Variants in NDUFV3 observed in about 807,000 individuals in gnomAD.
The protein encoded by NDUFV3 is NADH dehydrogenase [ubiquinone] flavoprotein 3, mitochondrial.
NDUFV3 carries 44 observed loss-of-function variants against 37.5 expected under a neutral mutation model. That is an observed-to-expected ratio of 1.17 (90% CI 0.92 to 1.51). The LOEUF (loss-of-function observed/expected upper bound fraction) is 1.51. Ranked by LOEUF, NDUFV3 falls within the 40% of genes most tolerant of loss-of-function variation. The pLI is 0.00. For missense variants in NDUFV3, 580 were observed against 580.4 expected (o/e 1.00, Z 0.01); for synonymous variants, 235 against 239.3 (o/e 0.98, Z 0.17).
rs2058776613 is a variant in NDUFV3, at chr21:42,912,903, A to AAG, written c.*3882_*3883insAG. On this transcript the variant is annotated 3_prime_UTR_variant, in exon 4 of 4. Transcript: ENST00000354250. Reference sequence around the variant, plus strand: ...CAAGACTCCGTCTCAAAAAAAAAAAACAAAAAAAAAATTAGCCGGGCGTGG... The same window carrying AAG: ...CAAGACTCCGTCTCAAAAAAAAAAAAAGCAAAAAAAAAATTAGCCGGGCGTGG... 7.4e-6 allele frequency: 1 copy of AAG among 134,320 alleles called. No homozygotes were observed. The allele number at this position is 134,320 out of a possible 1,614,324, so 8.3% of individuals were successfully genotyped here. A position where few individuals can be genotyped will look rare whatever the true frequency, so the allele number is the denominator to read the frequency against.
In NDUFV3 at chr21:42,913,230, A is replaced by T. The variant is rs953347251; in HGVS notation, c.*4209A>T. 3 of 152,186 alleles carry T rather than the reference A, an allele frequency of 2.0e-5. No homozygotes were observed. Among genetic ancestry groups the T allele is most frequent in the Non-Finnish European group, 4.4e-5 (3 of 68,044 alleles). The allele number at this position is 152,186 out of a possible 1,614,324, so 9.4% of individuals were successfully genotyped here. On this transcript the variant is annotated 3_prime_UTR_variant, in exon 4 of 4. Coordinates refer to ENST00000354250, the MANE Select transcript of NDUFV3 (RefSeq NM_021075.4). ...GGATATAAAAAATTCACAACTGCTA[A>T]AACAGTGTTCCTTCTAGTGTAATTT...
intron 1 of NDUFV3, among the ~76,000 whole-genome samples, chr21:42,896,713 A>G (rs1436942626): frequency 1.3e-5 from 2 of 152,042 alleles, no homozygotes; most frequent in South Asian, 2.1e-4. Flanking sequence ...TTAGCCAGGC[A>G]TGGTAGTATG....
Position 42,904,097 on chromosome 21 carries a change from G to A in NDUFV3, c.1085G>A (p.Gly362Asp). Residue 362 changes from glycine to aspartate, a missense_variant, in exon 3 of 4, where the codon GGC (glycine) becomes GAC (aspartate). Physicochemically the swap from Gly to Asp is moderately conservative, Grantham distance 94 (BLOSUM62 -1). Coordinates refer to ENST00000354250, the MANE Select transcript of NDUFV3 (RefSeq NM_021075.4). ...ACCTCAGGGACGCAGGGAATAGAAG[G>A]CCACCTGAAGGGTGGACAGGCAATC... Reference protein sequence around the residue: ...KETSGTQGIEGHLKGGQAIVE... With the variant: ...KETSGTQGIEDHLKGGQAIVE... The A allele has an allele frequency of 6.2e-7, 1 of 1,614,212 alleles. No homozygotes were observed. Among genetic ancestry groups the A allele is most frequent in the Non-Finnish European group, 8.5e-7 (1 of 1,180,034 alleles).
chr21:42,894,409 A>ATATGTAAATATATATTATATATT (rs2058676813), intron 1 of NDUFV3, among the ~76,000 whole-genome samples: 1 of 44,512 alleles, frequency 2.2e-5, no homozygotes, highest in Admixed American at 2.6e-4. Context: ...TATTTATATA[A>ATATGTAAATATATATTATATATT]TATATAATAT....
chr21:42,899,472 G>A (rs1245434250), intron 2 of NDUFV3, among the ~76,000 whole-genome samples: 1 of 151,086 alleles, frequency 6.6e-6, no homozygotes, highest in African/African-American at 2.4e-5. Flanking sequence ...TTGCGATAAA[G>A]TCTCACTCTG....
At position 42,904,187 on chromosome 21, in the gene NDUFV3, A is replaced by G. The variant is rs759463828; in HGVS notation, c.1175A>G (p.His392Arg). The G allele has an allele frequency of 6.2e-7, 1 of 1,614,226 alleles. No individual in the cohort carries two copies. Among genetic ancestry groups the G allele is most frequent in the Non-Finnish European group, 8.5e-7 (1 of 1,180,024 alleles). Reference sequence around the variant, plus strand: ...CCTGTTGAGAATAACCACGGTTTCCATGAAAAGACAGCAGCGCTGAAGCTT... The same window carrying G: ...CCTGTTGAGAATAACCACGGTTTCCGTGAAAAGACAGCAGCGCTGAAGCTT... ...TVPVENNHGF[H>R]EKTAALKLEA... The change falls in exon 3 of 4, where the codon CAT (histidine) becomes CGT (arginine). Residue 392 changes from histidine (H) to arginine (R), a missense_variant. Coordinates refer to ENST00000354250, the MANE Select transcript of NDUFV3 (RefSeq NM_021075.4).
intron 1 of NDUFV3, among the ~76,000 whole-genome samples, chr21:42,894,388 TATATATTATA>T (rs2058675658): frequency 2.7e-5 from 1 of 37,360 alleles, no homozygotes; most frequent in South Asian, 5.1e-4. Context: ...AATATGTAAA[TATATATTATA>T]TATTTATATA....
rs1241928971 is a variant in NDUFV3 at position 42,909,020 on chromosome 21, G to A, written c.1421G>A (p.Ter474=). 27 of 1,613,356 alleles carry A rather than the reference G, an allele frequency of 1.7e-5. No homozygotes were observed. Among genetic ancestry groups the A allele is most frequent in the Non-Finnish European group, 2.1e-5 (25 of 1,179,926 alleles). The part of the protein sequence containing the change: ...PSSGRESPRH[*] ...TCAGGCCGGGAGTCACCTCGACACTGAGGGCCCTCGGTGTGAAGATGAACC... is the reference window on the plus strand; with the variant it reads ...TCAGGCCGGGAGTCACCTCGACACTAAGGGCCCTCGGTGTGAAGATGAACC... The change falls in exon 4 of 4, where the codon TGA becomes TAA. Residue 474 remains the stop codon, a stop_retained_variant. Transcript: ENST00000354250.
In NDUFV3 at chr21:42,899,458, G is replaced by GTT. The variant is rs35438595; in HGVS notation, c.169+2415_169+2416dup. On this transcript the variant is annotated intron_variant, in intron 2 of 3. Coordinates refer to ENST00000354250, the MANE Select transcript of NDUFV3 (RefSeq NM_021075.4). ...GGCTAATTTTTTGTTTTTTTGTTTT[G>GTT]TTTTTGCGATAAAGTCTCACTCTGT... Among the ~76,000 whole-genome samples the GTT allele has an allele frequency of 1.3e-4, 19 of 151,112 alleles. 1 individual carries two copies. Among genetic ancestry groups the GTT allele is most frequent in the African/African-American group, 4.1e-4 (17 of 41,058 alleles).
In NDUFV3 at chr21:42,893,400, T is replaced by A. The variant is rs1444333892; in HGVS notation, c.48+19T>A. Reference sequence around the variant, plus strand: ...GCTGAAGGTAAAGGAGGAGCCAGCCTGGGCTGGCTGCGCGGCCCCGAGCCT... The same window carrying A: ...GCTGAAGGTAAAGGAGGAGCCAGCCAGGGCTGGCTGCGCGGCCCCGAGCCT... On this transcript the variant is annotated intron_variant, in intron 1 of 3. Transcript: ENST00000354250. The A allele has an allele frequency of 1.3e-6, 2 of 1,535,440 alleles. No individual in the cohort carries two copies. Among genetic ancestry groups the A allele is most frequent in the Middle Eastern group, 4.4e-4 (2 of 4,556 alleles).
chr21:42,894,427 A>AATATATAATATATAATATATTATAT (rs2058677581), intron 1 of NDUFV3, among the ~76,000 whole-genome samples: 1 of 33,500 alleles, frequency 3.0e-5, no homozygotes, highest in African/African-American at 3.8e-4. Flanking sequence ...TATATTATAT[A>AATATATAATATATAATATATTATAT]AATATATATT....
chr21:42,908,808 C>T, intron 3 of NDUFV3, 56 bp from the exon 4 acceptor site: 3 of 1,605,062 alleles, frequency 1.9e-6, no homozygotes, highest in Non-Finnish European at 2.6e-6. Context: ...TGAGCCGAGT[C>T]ATTCATAAAG....
chr21:42,893,437 G>T lies in NDUFV3; in HGVS notation c.48+56G>T. ...GCGGCCCCGAGCCTACGTAGGGGAT[G>T]GGGTGAGGGGGCGCGGTGCTGGTCA... On this transcript the variant is annotated intron_variant, in intron 1 of 3. Transcript: ENST00000354250. The T allele has an allele frequency of 2.6e-6, 4 of 1,525,296 alleles. No individual in the cohort carries two copies. In the South Asian group the frequency reaches 3.6e-5, roughly 14 times the overall value. The allele number at this position is 1,525,296 out of a possible 1,614,324, so 94.5% of individuals were successfully genotyped here.
At chr21:42,897,591 T>A (rs934446060) in intron 2 of NDUFV3, among the ~76,000 whole-genome samples, 2 of 152,190 alleles carry the variant, frequency 1.3e-5, no homozygotes, top group Non-Finnish European at 2.9e-5. Flanking sequence ...GCCAGGATGG[T>A]CTCAATCTCC....
rs1367146891 is a variant in NDUFV3 at position 42,903,359 on chromosome 21, T to A, written c.347T>A (p.Leu116Ter). Residue 116 changes from leucine (L) to a stop codon, truncating the protein, a stop_gained, in exon 3 of 4, where the codon TTG (leucine) becomes TAG (stop). Transcript: ENST00000354250. LOFTEE classifies it high-confidence loss of function. ...LFTDEGVPKF[L>*]SRKTLVEFPQ... ...ACAGATGAAGGGGTTCCGAAATTTT[T>A]GTCAAGAAAGACTTTGGTAGAGTTT... 8.7e-6 allele frequency: 14 copies of A among 1,614,208 alleles called. No individual in the cohort carries two copies. Among genetic ancestry groups the A allele is most frequent in the Non-Finnish European group, 1.1e-5 (13 of 1,180,030 alleles).
chr21:42,907,552 G>A (rs4920007), intron 3 of NDUFV3, among the ~76,000 whole-genome samples: 91,226 of 151,260 alleles, frequency 0.6, 28,223 homozygotes, highest in African/African-American at 0.71. Flanking sequence ...CTGGGTTCAA[G>A]CAATTCTTGT....
chr21:42,910,253 A>C lies in NDUFV3; in HGVS notation c.*1232A>C, dbSNP rs2058763780. 6.6e-6 allele frequency: 1 copy of C among 152,200 alleles called. No homozygotes were observed. The highest frequency in any genetic ancestry group is 6.5e-5 in the Admixed American group (1 of 15,272). The allele number at this position is 152,200 out of a possible 1,614,324, so 9.4% of individuals were successfully genotyped here. On this transcript the variant is annotated 3_prime_UTR_variant, in exon 4 of 4. Coordinates refer to ENST00000354250, the MANE Select transcript of NDUFV3 (RefSeq NM_021075.4). ...GGCAGGAGAATCATTTGAACCTGGG[A>C]GGCGGAGGTTGCAGTGAGCAAGATC...
Position 42,909,401 on chromosome 21 carries a change from C to T in NDUFV3, c.*380C>T. ...AGATGGTCTGCCCACCTCCGCCTCC[C>T]AAAGTGCTGGGATTACAGGCGTGAG... On this transcript the variant is annotated 3_prime_UTR_variant, in exon 4 of 4. Coordinates refer to ENST00000354250, the MANE Select transcript of NDUFV3 (RefSeq NM_021075.4). The T allele has an allele frequency of 3.2e-6, 1 of 311,290 alleles. No homozygotes were observed. The highest frequency in any genetic ancestry group is 6.3e-6 in the Non-Finnish European group (1 of 158,916). 19.3% of individuals were successfully genotyped at this position (311,290 alleles called of 1,614,324 possible). A position where few individuals can be genotyped will look rare whatever the true frequency, so the allele number is the denominator to read the frequency against.
chr21:42,896,323 A>AT (rs2058691054), intron 1 of NDUFV3, among the ~76,000 whole-genome samples: 1 of 151,566 alleles, frequency 6.6e-6, no homozygotes, highest in African/African-American at 2.4e-5. Context: ...TGCCCGGCTA[A>AT]TTTTTTGTAT....
Sources: gnomAD v4.1 joint callset for allele counts (sites outside exome capture counted in the v4.1 genomes callset) on GRCh38, gnomAD v4.1.1 for gene constraint, MANE v1.5 for transcripts, NCBI Gene and HGNC (gene_info 2026-07-23, HGNC 2026-07-21) for gene names.